GAA: variants seen among roughly 807,000 people sequenced by gnomAD.
GAA encodes the protein alpha glucosidase.
In GAA, 88 loss-of-function variants were observed where a neutral mutation model predicts 103.9. The ratio of observed to expected loss-of-function variants is 0.85; its 90% confidence interval spans 0.71 to 1.01. The LOEUF is 1.01. Among genes scored for constraint, GAA ranks in the 50% least tolerant of loss-of-function variants. The pLI, the probability that GAA is intolerant of heterozygous loss-of-function variation, is 0.00. For missense variants in GAA, 1,350 were observed against 1,305.3 expected, an observed-to-expected ratio of 1.03 and a Z score of -0.53; for synonymous variants, 572 against 563.1, an observed-to-expected ratio of 1.02 and a Z score of -0.22.
chr17:80,113,054 G>A (rs774375628), intron 14 of GAA, 27 bp downstream of exon 14: 2 of 1,595,368 alleles, frequency 1.3e-6, no homozygotes, highest in South Asian at 1.1e-5. Context: ...GGCATGGCAG[G>A]TGGGCGATCC....
In GAA at chr17:80,112,653, C is replaced by T. The variant is rs61736896; in HGVS notation, c.1830C>T (p.Ala610=). 9.8e-4 allele frequency: 1,588 copies of T among 1,612,782 alleles called. 8 individuals carry two copies. Among genetic ancestry groups the T allele is most frequent in the Non-Finnish European group, 1.0e-3 (1,192 of 1,179,892 alleles). Residue 610 remains alanine (A), a synonymous_variant, in exon 13 of 20, where the codon GCC becomes GCT. Transcript: ENST00000302262. The stretch of plus-strand genomic sequence containing the variant: ...CCTTTGCTGGCCACGGCCGATACGC[C>T]GGCCACTGGACGGGGGACGTGTGGA... ...RSTFAGHGRY[A]GHWTGDVWSS... is the part of the protein sequence containing the mutation.
At chr17:80,105,984 C>T (rs1423622133) in intron 3 of GAA, 90 bp downstream of exon 3, 17 of 1,477,018 alleles carry the variant, frequency 1.2e-5, no homozygotes, top group Non-Finnish European at 1.4e-5. Context: ...GTTTCTCACA[C>T]GATGGGCAGG....
Position 80,117,050 on chromosome 17 carries a change from G to C in GAA, c.2272G>C (p.Ala758Pro). 1 of 1,613,560 alleles carries C rather than the reference G, an allele frequency of 6.2e-7. No individual in the cohort carries two copies. The highest frequency in any genetic ancestry group is 1.7e-5 in the Admixed American group (1 of 60,024). ...EALLITPVLQ[A>P]GKAEVTGYFP... Reference sequence around the variant, plus strand: ...CCTGCTCATCACCCCAGTGCTCCAGGCCGGGAAGGCCGAAGTGACTGGCTA... The same window carrying C: ...CCTGCTCATCACCCCAGTGCTCCAGCCCGGGAAGGCCGAAGTGACTGGCTA... Residue 758 changes from alanine to proline, a missense_variant, in exon 16 of 20, where the codon GCC (alanine) becomes CCC (proline). Coordinates refer to ENST00000302262, the MANE Select transcript of GAA (RefSeq NM_000152.5).
In GAA at chr17:80,108,313, G is replaced by T; in HGVS notation, c.979G>T (p.Ala327Ser). Residue 327 changes from alanine (A) to serine (S), a missense_variant, in exon 6 of 20, where the codon GCC becomes TCC. By Grantham distance (99) the Ala-to-Ser change is moderately conservative (BLOSUM62 1). Coordinates refer to ENST00000302262, the MANE Select transcript of GAA (RefSeq NM_000152.5). ...AGATGTGGTCCTGCAGCCGAGCCCT[G>T]CCCTTAGCTGGAGGTCGACAGGTGG... Reference protein sequence around the residue: ...AMDVVLQPSPALSWRSTGGIL... With the variant: ...AMDVVLQPSPSLSWRSTGGIL... The T allele has an allele frequency of 6.2e-7, 1 of 1,613,624 alleles. No homozygotes were observed. The highest frequency in any genetic ancestry group is 1.1e-5 in the South Asian group (1 of 91,088).
intron 15 of GAA, among the ~76,000 whole-genome samples, chr17:80,115,962 C>T (rs902396487): frequency 2.6e-5 from 4 of 152,282 alleles, no homozygotes; most frequent in East Asian, 1.9e-4. Flanking sequence ...AAGATTCAGC[C>T]ATTTTGTTAA....
chr17:80,112,792 C>T (rs747544308), intron 13 of GAA, 81 bp downstream of exon 13: 30 of 1,576,432 alleles, frequency 1.9e-5, no homozygotes, highest in Non-Finnish European at 2.2e-5. Flanking sequence ...CCCCCACCCA[C>T]TTAGCAGGTG....
rs201525743 is a variant in GAA at position 80,118,647 on chromosome 17, G to A, written c.2647-6G>A. On this transcript the variant is annotated splice_polypyrimidine_tract_variant and splice_region_variant and intron_variant, in intron 18 of 19. Coordinates refer to ENST00000302262, the MANE Select transcript of GAA (RefSeq NM_000152.5). ...CTGCCTTTTCATCTCTCTCTGCTCG[G>A]CCCAGAACACGATCGTGAATGAGCT... is the stretch of plus-strand genomic sequence containing the variant. 1 of 1,611,794 alleles carries A rather than the reference G, an allele frequency of 6.2e-7. No homozygotes were observed. Among genetic ancestry groups the A allele is most frequent in the Admixed American group, 1.7e-5 (1 of 60,024 alleles).
Position 80,111,144 on chromosome 17 carries a change from G to GTA in GAA, c.1636+119_1636+120insTA, listed in dbSNP as rs1567833513. 32 of 916,938 alleles carry GTA rather than the reference G, an allele frequency of 3.5e-5. 1 individual carries two copies. The highest frequency in any genetic ancestry group is 4.4e-5 in the Non-Finnish European group (26 of 593,790). The allele number at this position is 916,938 out of a possible 1,614,324, so 56.8% of individuals were successfully genotyped here. A position where few individuals can be genotyped will look rare whatever the true frequency, so the allele number is the denominator to read the frequency against. ...AGATGGGCCAGCGGGGAAAGGGGCG[G>GTA]GGGGGGGATCCCCAGGAGAAAGGCT... On this transcript the variant is annotated intron_variant, in intron 11 of 19. Coordinates refer to ENST00000302262, the MANE Select transcript of GAA (RefSeq NM_000152.5).
Position 80,101,763 on chromosome 17 carries a change from AG to A in GAA, c.-158del, listed in dbSNP as rs2038956588. 1 of 152,264 alleles carries A rather than the reference AG, an allele frequency of 6.6e-6. No homozygotes were observed. Among genetic ancestry groups the A allele is most frequent in the Non-Finnish European group, 1.5e-5 (1 of 68,068 alleles). 9.4% of individuals were successfully genotyped at this position (152,264 alleles called of 1,614,324 possible). A position where few individuals can be genotyped will look rare whatever the true frequency, so the allele number is the denominator to read the frequency against. On this transcript the variant is annotated 5_prime_UTR_variant, in exon 1 of 20. It introduces an in-frame stop codon into an upstream open reading frame of the 5' UTR. Coordinates refer to ENST00000302262, the MANE Select transcript of GAA (RefSeq NM_000152.5). ...GGGTGGAGGTCGGGGATGAGGCAGC[AG>A]GTAGGACAGTGACCTCGGTGACGCG...
At chr17:80,115,836 A>G (rs757284363) in intron 15 of GAA, among the ~76,000 whole-genome samples, 7 of 152,188 alleles carry the variant, frequency 4.6e-5, no homozygotes, top group South Asian at 2.1e-4. Context: ...TGGACAGCCA[A>G]TAATTGGTCA....
chr17:80,106,645 T>C lies in GAA; in HGVS notation c.692+751T>C, dbSNP rs8068051. Among the ~76,000 whole-genome samples, 99,661 of 152,142 alleles carry C rather than the reference T, an allele frequency of 0.66. 33,491 individuals carry two copies. Among genetic ancestry groups the C allele is most frequent in the Middle Eastern group, 0.85 (250 of 294 alleles). ...TCAAAGCATCTTATCAAGCTAGGTA[T>C]GGTGGTTCATGTCTGCAATTCCAGC... On this transcript the variant is annotated intron_variant, in intron 3 of 19. Transcript: ENST00000302262.
intron 15 of GAA, among the ~76,000 whole-genome samples, chr17:80,113,570 G>A (rs997229190): frequency 3.9e-5 from 6 of 152,222 alleles, no homozygotes; most frequent in Admixed American, 6.5e-5. Flanking sequence ...TAGTACACAC[G>A]AGGAGTTCCT....
At chr17:80,102,972 G>A (rs901110679) in intron 1 of GAA, among the ~76,000 whole-genome samples, 8 of 152,222 alleles carry the variant, frequency 5.3e-5, no homozygotes, top group Non-Finnish European at 7.3e-5. Context: ...ATTGATGGGT[G>A]TGAGAAAAAC....
Position 80,107,667 on chromosome 17 carries a change from T to A in GAA, c.803T>A (p.Met268Lys), listed in dbSNP as rs2039120527. ...TGLAEHLSPL[M>K]LSTSWTRITL... is the part of the protein sequence containing the mutation. ...CTCGCCGAGCACCTCAGTCCCCTGA[T>A]GCTCAGCACCAGCTGGACCAGGATC... Residue 268 changes from methionine to lysine, a missense_variant, in exon 4 of 20, where the codon ATG (methionine) becomes AAG (lysine). Transcript: ENST00000302262. 6.2e-7 allele frequency: 1 copy of A among 1,613,000 alleles called. No homozygotes were observed. Among genetic ancestry groups the A allele is most frequent in the Non-Finnish European group, 8.5e-7 (1 of 1,179,866 alleles).
At chr17:80,112,433 G>C in intron 12 of GAA, 145 bp from the exon 13 acceptor site, 1 of 1,032,186 alleles carries the variant, frequency 9.7e-7, no homozygotes, top group South Asian at 1.5e-5. Flanking sequence ...TGTGCCCGCA[G>C]ACATGGGCAG....
At chr17:80,115,976 C>T (rs1327164887) in intron 15 of GAA, among the ~76,000 whole-genome samples, 1 of 152,224 alleles carries the variant, frequency 6.6e-6, no homozygotes, top group South Asian at 2.1e-4. Context: ...TTGTTAAATA[C>T]ATGCTCCCCA....
intron 2 of GAA, 43 bp from the exon 3 acceptor site, chr17:80,105,706 A>G (rs201912582): frequency 1.1e-5 from 17 of 1,607,828 alleles, no homozygotes; most frequent in East Asian, 2.2e-5. Flanking sequence ...TCTGGAGAGT[A>G]AGGTGGCTGT....
chr17:80,118,069 G>C (rs2039398443), intron 17 of GAA, 124 bp from the exon 18 acceptor site: 15 of 1,144,710 alleles, frequency 1.3e-5, no homozygotes, highest in Non-Finnish European at 1.9e-5. Context: ...TGCGGCCGCA[G>C]GTGTTCCTGC....
Position 80,105,754 on chromosome 17 carries a change from A to G in GAA, c.552A>G (p.Lys184=). The part of the protein sequence containing the change: ...ETENRLHFTI[K]DPANRRYEVP... ...TAAACCCCCATCTCTTCTAGATCAA[A>G]GATCCAGCTAACAGGCGCTACGAGG... The change falls in exon 3 of 20, where the codon AAA becomes AAG. Residue 184 remains lysine (K), a synonymous_variant. Transcript: ENST00000302262. 6.2e-7 allele frequency: 1 copy of G among 1,612,382 alleles called. No homozygotes were observed. Among genetic ancestry groups the G allele is most frequent in the Non-Finnish European group, 8.5e-7 (1 of 1,179,946 alleles).
Sources: gnomAD v4.1 joint callset for allele counts (sites outside exome capture counted in the v4.1 genomes callset) on GRCh38, gnomAD v4.1.1 for gene constraint, MANE v1.5 for transcripts, NCBI Gene and HGNC (gene_info 2026-07-23, HGNC 2026-07-21) for gene names.